The following CPSF3 variants were observed in gnomAD, a reference collection of about 807,000 sequenced individuals.
CPSF3 encodes cleavage and polyadenylation specific factor 3.
In CPSF3, 57 loss-of-function variants were observed where a neutral mutation model predicts 84.1. The ratio of observed to expected loss-of-function variants is 0.68; its 90% CI spans 0.55 to 0.85. CPSF3 has a LOEUF of 0.85. Ranked by LOEUF, CPSF3 falls within the 40% of genes least tolerant of loss-of-function variation. The pLI, the probability that CPSF3 is intolerant of heterozygous loss-of-function variation, is 0.00. For synonymous variants in CPSF3, 275 were observed against 278.1 expected (o/e 0.99, Z 0.11); for missense variants, 522 against 838.8 (o/e 0.62, Z 4.66).
intron 1 of CPSF3, 148 bp downstream of exon 1, chr2:9,423,971 C>A: frequency 6.9e-7 from 1 of 1,444,552 alleles, no homozygotes; most frequent in Non-Finnish European, 9.1e-7. Flanking sequence ...TTCTCAGGCT[C>A]GAGGGGTTGG....
At chr2:9,472,760 C>T (rs984945190) in intron 17 of CPSF3, among the ~76,000 whole-genome samples, 156 bp from the exon 18 acceptor site, 2 of 152,112 alleles carry the variant, frequency 1.3e-5, no homozygotes, top group African/African-American at 4.8e-5. Flanking sequence ...CTCAGTGATC[C>T]TCCCACCTCA....
chr2:9,446,442 G>A (rs983781555), intron 10 of CPSF3, among the ~76,000 whole-genome samples: 14 of 152,058 alleles, frequency 9.2e-5, no homozygotes, highest in Non-Finnish European at 2.1e-4. Context: ...TTAGACGGGT[G>A]TGGTGGCAGG....
chr2:9,442,801 G>A (rs1680999365), intron 9 of CPSF3, among the ~76,000 whole-genome samples: 6 of 151,148 alleles, frequency 4.0e-5, no homozygotes, highest in Admixed American at 4.0e-4. Context: ...GCAGTCAGCC[G>A]AGATTGGCGC....
rs973053093 is a variant in CPSF3, at chr2:9,423,928, AGCCTGCCTTTGGTCC to A, written c.50+108_50+122del. 89 of 1,519,176 alleles carry A rather than the reference AGCCTGCCTTTGGTCC, an allele frequency of 5.9e-5. No homozygotes were observed. The Admixed American group carries it at 1.9e-3, about 33-fold the overall frequency. The allele number at this position is 1,519,176 out of a possible 1,614,324, so 94.1% of individuals were successfully genotyped here. On this transcript the variant is annotated intron_variant, in intron 1 of 17. Transcript: ENST00000238112. ...CGCCCGCGCTCCCACCTACCCCGGC[AGCCTGCCTTTGGTCC>A]GCGCTTGCGGGCCAGGCTTCTCAGG...
chr2:9,468,158 GTTC>G (rs796748439), intron 16 of CPSF3, among the ~76,000 whole-genome samples: 1 of 152,248 alleles, frequency 6.6e-6, no homozygotes, highest in African/African-American at 2.4e-5. Context: ...GTAAAATGGT[GTTC>G]TTCTAGACTC....
intron 7 of CPSF3, among the ~76,000 whole-genome samples, chr2:9,437,217 A>G (rs942619336): frequency 6.6e-6 from 1 of 152,134 alleles, no homozygotes; most frequent in Non-Finnish European, 1.5e-5. Flanking sequence ...CAGCCTGGCC[A>G]TCATGGTGAA....
At chr2:9,426,605 A>C (rs1346388337) in intron 1 of CPSF3, among the ~76,000 whole-genome samples, 2 of 152,212 alleles carry the variant, frequency 1.3e-5, no homozygotes, top group Non-Finnish European at 2.9e-5. Context: ...AAACCCTCGG[A>C]ATATCAACAT....
intron 10 of CPSF3, among the ~76,000 whole-genome samples, chr2:9,447,424 A>G (rs1265212401): frequency 3.3e-5 from 5 of 151,958 alleles, no homozygotes; most frequent in African/African-American, 1.2e-4. Flanking sequence ...GGCTGCAGTG[A>G]GCCATGATCA....
Position 9,432,654 on chromosome 2 carries a change from C to T in CPSF3, c.485C>T (p.Ala162Val). Residue 162 changes from alanine (A) to valine (V), a missense_variant, in exon 5 of 18, where the codon GCC becomes GTC. Ala to Val is a moderately conservative substitution (Grantham distance 64). Transcript: ENST00000238112. The stretch of plus-strand genomic sequence containing the variant: ...TACCATGCAGGTCACGTCCTAGGAG[C>T]CGCCATGTTCATGATTGAGATCGCA... ...WCYHAGHVLGAAMFMIEIAGV... is the reference protein window; with the variant it reads ...WCYHAGHVLGVAMFMIEIAGV... 6.4e-7 allele frequency: 1 copy of T among 1,556,536 alleles called. No homozygotes were observed. Among genetic ancestry groups the T allele is most frequent in the East Asian group, 2.3e-5 (1 of 44,018 alleles).
intron 15 of CPSF3, among the ~76,000 whole-genome samples, chr2:9,465,871 GGTGTGTGT>G (rs143920543): frequency 3.3e-5 from 5 of 151,218 alleles, no homozygotes; most frequent in African/African-American, 7.3e-5. Context: ...ATATATATGG[GGTGTGTGT>G]GTGTGTGTTG....
At position 9,464,617 on chromosome 2, in the gene CPSF3, AG is replaced by A. The variant is rs1318504137; in HGVS notation, c.1787-3087del. Among the ~76,000 whole-genome samples, 3 of 151,962 alleles carry A rather than the reference AG, an allele frequency of 2.0e-5. No individual in the cohort carries two copies. In the East Asian group the frequency reaches 5.8e-4, roughly 29 times the overall value. ...TTTACTTTATTTTATTTTTTGAGAC[AG>A]GGTCTCACTGTGTCGCAGACTTGAG... On this transcript the variant is annotated intron_variant, in intron 15 of 17. Transcript: ENST00000238112.
chr2:9,440,631 A>G lies in CPSF3; in HGVS notation c.901A>G (p.Asn301Asp). 6.2e-7 allele frequency: 1 copy of G among 1,614,188 alleles called. No homozygotes were observed. The highest frequency in any genetic ancestry group is 1.1e-5 in the South Asian group (1 of 91,084). ...AATCCGCAAACAGATCAACATCAATAATCCCTTTGTTTTCAAACACATTAG... is the reference window on the plus strand; with the variant it reads ...AATCCGCAAACAGATCAACATCAATGATCCCTTTGTTTTCAAACACATTAG... ...DKIRKQININ[N>D]PFVFKHISNL... The change falls in exon 8 of 18, where the codon AAT becomes GAT. Residue 301 changes from asparagine to aspartate, a missense_variant. Asn to Asp is a conservative substitution (Grantham distance 23). Transcript: ENST00000238112.
chr2:9,434,717 G>A (rs1247197382), intron 6 of CPSF3, among the ~76,000 whole-genome samples: 1 of 152,120 alleles, frequency 6.6e-6, no homozygotes, highest in East Asian at 1.9e-4. Flanking sequence ...CAAGTCCCAG[G>A]GGAGCAAAAA....
chr2:9,436,209 A>G lies in CPSF3; in HGVS notation c.610-2A>G. ...GTCTCACACTTCTAATGTATTATTT[A>G]GGAATCTACTTATGGGACCCATATC... On this transcript the variant is annotated splice_acceptor_variant, in intron 6 of 17. Coordinates refer to ENST00000238112, the MANE Select transcript of CPSF3 (RefSeq NM_016207.4). LOFTEE classifies it high-confidence loss of function. The G allele has an allele frequency of 1.3e-6, 2 of 1,588,624 alleles. No homozygotes were observed. The highest frequency in any genetic ancestry group is 1.7e-6 in the Non-Finnish European group (2 of 1,169,262).
intron 15 of CPSF3, among the ~76,000 whole-genome samples, chr2:9,459,940 G>A (rs538998238): frequency 9.9e-5 from 15 of 152,002 alleles, no homozygotes; most frequent in East Asian, 5.8e-4. Context: ...GAGCCACTGC[G>A]CCCAGCCACT....
At position 9,456,765 on chromosome 2, in the gene CPSF3, G is replaced by C. The variant is rs1391024629; in HGVS notation, c.1604-168G>C. Among the ~76,000 whole-genome samples the C allele has an allele frequency of 2.6e-5, 4 of 152,178 alleles. No homozygotes were observed. In the East Asian group the frequency reaches 7.7e-4, roughly 29 times the overall value. ...GTTGAATGTTTGCAATACATGTTCA[G>C]ACCTTTCCGTTGCTGTACTTTGCTG... On this transcript the variant is annotated intron_variant, in intron 13 of 17. Coordinates refer to ENST00000238112, the MANE Select transcript of CPSF3 (RefSeq NM_016207.4).
At chr2:9,450,633 C>T (rs1448134081) in intron 11 of CPSF3, among the ~76,000 whole-genome samples, 1 of 151,960 alleles carries the variant, frequency 6.6e-6, no homozygotes, top group African/African-American at 2.4e-5. Context: ...ACTAAAGATA[C>T]GAAAATTAGC....
chr2:9,452,963 A>G lies in CPSF3; in HGVS notation c.1446A>G (p.Ser482=), dbSNP rs759807392. ...AACCAGAACAAGGCCAGCGGGTCTCAGGAATACTTGTTAAAAGAAACTTTA... is the reference window on the plus strand; with the variant it reads ...AACCAGAACAAGGCCAGCGGGTCTCGGGAATACTTGTTAAAAGAAACTTTA... ...DKKPEQGQRV[S]GILVKRNFNY... is the part of the protein sequence containing the mutation. The change falls in exon 12 of 18, where the codon TCA becomes TCG. Residue 482 remains serine (S), a synonymous_variant. Coordinates refer to ENST00000238112, the MANE Select transcript of CPSF3 (RefSeq NM_016207.4). 57 of 1,612,172 alleles carry G rather than the reference A, an allele frequency of 3.5e-5. No homozygotes were observed. Among genetic ancestry groups the G allele is most frequent in the Non-Finnish European group, 4.7e-5 (56 of 1,179,532 alleles).
At chr2:9,467,663 A>G (rs778910782) in intron 15 of CPSF3, 44 bp from the exon 16 acceptor site, 1 of 1,387,384 alleles carries the variant, frequency 7.2e-7, no homozygotes, top group Admixed American at 1.8e-5. Flanking sequence ...TATTCTGAAT[A>G]GGAATTTAGA....
Sources: allele counts gnomAD v4.1 joint callset (sites outside exome capture counted in the v4.1 genomes callset), GRCh38; gene constraint gnomAD v4.1.1; transcripts MANE v1.5; gene names NCBI Gene and HGNC (gene_info 2026-07-23, HGNC 2026-07-21).